Variants in PHEX observed in about 807,000 individuals in gnomAD.
The protein encoded by PHEX is phosphate regulating endopeptidase X-linked.
PHEX carries 16 observed loss-of-function variants against 68.0 expected under a neutral mutation model. That is an observed-to-expected ratio of 0.24 (90% confidence interval 0.16 to 0.36). The LOEUF is 0.36. Among genes scored for constraint, PHEX ranks in the 10% least tolerant of loss-of-function variants. The pLI is 1.00. For synonymous variants in PHEX, 208 were observed against 205.1 expected (o/e 1.01, Z -0.12); for missense variants, 480 against 575.5 (o/e 0.83, Z 1.70).
intron 3 of PHEX, among the ~76,000 whole-genome samples, chrX:22,055,184 A>AAAAAAAAAAAAAAAAAAAAAAAAAAAAG (rs1928031877): frequency 5.7e-5 from 1 of 17,572 alleles, no homozygotes; most frequent in Non-Finnish European, 9.4e-5. Flanking sequence ...CAAAAAAAAA[A>AAAAAAAAAAAAAAAAAAAAAAAAAAAAG]AAAAAAAAAA....
At chrX:22,097,940 G>A in intron 8 of PHEX, 1 of 176,322 alleles carries the variant, frequency 5.7e-6, no homozygotes, top group South Asian at 7.8e-5. Flanking sequence ...GCTAATTTTT[G>A]TATTTTTGAT....
At chrX:22,089,557 A>G (rs1436474325) in intron 5 of PHEX, among the ~76,000 whole-genome samples, 1 of 109,540 alleles carries the variant, frequency 9.1e-6, no homozygotes, top group African/African-American at 3.3e-5. Context: ...AGTAGCTGGG[A>G]TTACAGCCAC....
chrX:22,058,670 T>G (rs1257577766), intron 3 of PHEX, among the ~76,000 whole-genome samples: 1 of 112,280 alleles, frequency 8.9e-6, no homozygotes, highest in Non-Finnish European at 1.9e-5. Flanking sequence ...ACACATTCAT[T>G]GGAGGCCATG....
At chrX:22,036,513 G>A (rs193104069) in intron 1 of PHEX, among the ~76,000 whole-genome samples, 64 of 111,092 alleles carry the variant, frequency 5.8e-4, no homozygotes, top group African/African-American at 1.8e-3. Flanking sequence ...TTAAAATAAG[G>A]CTAGGATCAA....
intron 15 of PHEX, among the ~76,000 whole-genome samples, chrX:22,210,394 C>T (rs771647395): frequency 1.4e-3 from 151 of 111,775 alleles, no homozygotes; most frequent in Middle Eastern, 4.6e-3. Context: ...TGGCAATGGA[C>T]GTAAATGCTT....
At chrX:22,085,118 G>A (rs1480556447) in intron 5 of PHEX, among the ~76,000 whole-genome samples, 1 of 111,807 alleles carries the variant, frequency 8.9e-6, no homozygotes, top group Non-Finnish European at 1.9e-5. Context: ...CCTTTTTGAT[G>A]TAGGCTTTTA....
intron 9 of PHEX, among the ~76,000 whole-genome samples, chrX:22,103,970 A>AT (rs757132195): frequency 1.6e-4 from 18 of 111,105 alleles, no homozygotes; most frequent in East Asian, 5.7e-4. Context: ...AACATCTGTT[A>AT]TTTTTTTGAT....
intron 3 of PHEX, among the ~76,000 whole-genome samples, chrX:22,067,279 T>G (rs751696378): frequency 9.0e-6 from 1 of 110,906 alleles, no homozygotes; most frequent in Non-Finnish European, 1.9e-5. Flanking sequence ...TGTATGGTAT[T>G]CTTTCTTTCA....
At chrX:22,238,422 CCA>C (rs1243018480) in intron 20 of PHEX, among the ~76,000 whole-genome samples, 1 of 111,666 alleles carries the variant, frequency 9.0e-6, no homozygotes, top group Non-Finnish European at 1.9e-5. Flanking sequence ...TGCGCATTTC[CCA>C]CAGTCTTCGC....
chrX:22,102,588 C>G (rs778655878), intron 9 of PHEX, among the ~76,000 whole-genome samples: 1 of 112,258 alleles, frequency 8.9e-6, no homozygotes, highest in South Asian at 3.7e-4. Context: ...TAGAAGTTAA[C>G]CAGATACCCC....
At chrX:22,226,211 A>C (rs5904627) in intron 18 of PHEX, among the ~76,000 whole-genome samples, 4 of 110,613 alleles carry the variant, frequency 3.6e-5, no homozygotes, top group Middle Eastern at 4.6e-3. Context: ...AGGTAGGTGA[A>C]AAAGAAGTGT....
At chrX:22,187,323 A>C (rs1934062859) in intron 14 of PHEX, among the ~76,000 whole-genome samples, 1 of 111,504 alleles carries the variant, frequency 9.0e-6, no homozygotes, top group African/African-American at 3.3e-5. Context: ...CTTGCTGGCT[A>C]TCGCCTGGAA....
rs370527485 is a variant in PHEX at position 22,092,749 on chromosome X, C to CTTT, written c.733-1218_733-1216dup. 2.3e-3 allele frequency among the ~76,000 whole-genome samples: 178 copies of CTTT among 77,906 alleles called. 4 individuals carry two copies. The highest frequency in any genetic ancestry group is 9.1e-3 in the African/African-American group (164 of 17,998). 67.7% of individuals were successfully genotyped at this position (77,906 alleles called of 115,157 possible). On this transcript the variant is annotated intron_variant, in intron 6 of 21. Transcript: ENST00000379374. ...AAGACTTCTTTTCTTTTCTTTCTTT[C>CTTT]TTTTTTTTTTTTTTTTTTGAGATGG...
intron 3 of PHEX, among the ~76,000 whole-genome samples, chrX:22,057,959 C>T (rs552892590): frequency 8.9e-6 from 1 of 111,865 alleles, no homozygotes; most frequent in South Asian, 3.7e-4. Context: ...CTCCTGTGCC[C>T]ACAGTCCCAG....
rs775420101 is a variant in PHEX, at chrX:22,248,378, A to G, written c.*425A>G. ...GCCTCTCAATGATGAAGACATGTGC[A>G]TGAATACCTGGGAGGGCTTGCTGCT... On this transcript the variant is annotated 3_prime_UTR_variant, in exon 22 of 22. Coordinates refer to ENST00000379374, the MANE Select transcript of PHEX (RefSeq NM_000444.6). 6.2e-6 allele frequency: 1 copy of G among 162,122 alleles called. No individual in the cohort carries two copies. Among genetic ancestry groups the G allele is most frequent in the South Asian group, 1.5e-4 (1 of 6,518 alleles). 13.4% of individuals were successfully genotyped at this position (162,122 alleles called of 1,213,427 possible).
chrX:22,117,999 G>A (rs1202298406), intron 11 of PHEX, among the ~76,000 whole-genome samples: 2 of 110,540 alleles, frequency 1.8e-5, no homozygotes, highest in African/African-American at 6.6e-5. Flanking sequence ...AAGAAAAACA[G>A]AAAGATCCCC....
chrX:22,224,599 C>T (rs1267742702), intron 18 of PHEX, among the ~76,000 whole-genome samples: 5 of 110,915 alleles, frequency 4.5e-5, no homozygotes, highest in Non-Finnish European at 9.4e-5. Flanking sequence ...GGTGGGATAT[C>T]GACATCTGCT....
At chrX:22,236,608 T>C (rs1456471114) in intron 20 of PHEX, among the ~76,000 whole-genome samples, 1 of 112,980 alleles carries the variant, frequency 8.9e-6, no homozygotes, top group African/African-American at 3.2e-5. Flanking sequence ...TTGTAAATAA[T>C]GTTTTATTGG....
At chrX:22,108,016 T>C (rs1227202192) in intron 9 of PHEX, among the ~76,000 whole-genome samples, 1 of 112,170 alleles carries the variant, frequency 8.9e-6, no homozygotes, top group Non-Finnish European at 1.9e-5. Context: ...GTTCTCTAAC[T>C]GTAGGTGCTG....
Sources: allele counts gnomAD v4.1 joint callset (sites outside exome capture counted in the v4.1 genomes callset), GRCh38; gene constraint gnomAD v4.1.1; transcripts MANE v1.5; gene names NCBI Gene and HGNC (gene_info 2026-07-23, HGNC 2026-07-21).